LSS: variants seen among roughly 807,000 people sequenced by gnomAD.
LSS encodes the protein 2,3-epoxysqualene-lanosterol cyclase.
In LSS, 90 loss-of-function variants were observed where a neutral mutation model predicts 110.3. That is an observed-to-expected ratio of 0.82 (90% CI 0.69 to 0.97). The LOEUF is 0.97. Ranked by LOEUF, LSS falls within the 50% of genes least tolerant of loss-of-function variation. LSS has a pLI of 0.00. For missense variants in LSS, 927 were observed against 990.0 expected, an observed-to-expected ratio of 0.94 and a Z score of 0.85; for synonymous variants, 433 against 400.0, an observed-to-expected ratio of 1.08 and a Z score of -0.98.
Position 46,194,665 on chromosome 21 carries a change from C to T in LSS, c.1818-4G>A. 6.2e-7 allele frequency: 1 copy of T among 1,610,806 alleles called. No individual in the cohort carries two copies. Among genetic ancestry groups the T allele is most frequent in the East Asian group, 2.2e-5 (1 of 44,864 alleles). ...GGAGACCTCTGCACAGGCAGTCCTG[C>T]AAAGACCAGAGACAGGAGACACCAT... On this transcript the variant is annotated splice_polypyrimidine_tract_variant and splice_region_variant and intron_variant, in intron 19 of 21. Transcript: ENST00000397728.
chr21:46,208,433 C>A lies in LSS; in HGVS notation c.1267-132G>T, dbSNP rs978832601. 2.0e-5 allele frequency: 16 copies of A among 795,706 alleles called. No homozygotes were observed. The East Asian group carries it at 4.0e-4, about 20-fold the overall frequency. The allele number at this position is 795,706 out of a possible 1,614,324, so 49.3% of individuals were successfully genotyped here. A position where few individuals can be genotyped will look rare whatever the true frequency, so the allele number is the denominator to read the frequency against. ...GTGCCTGGGAGCTTACTCTGCCGGCCACAGCCACCACTGGTGCTGCGAGGC... is the reference window on the plus strand; with the variant it reads ...GTGCCTGGGAGCTTACTCTGCCGGCAACAGCCACCACTGGTGCTGCGAGGC... On this transcript the variant is annotated intron_variant, in intron 13 of 21. Coordinates refer to ENST00000397728, the MANE Select transcript of LSS (RefSeq NM_002340.6).
chr21:46,219,339 C>T (rs542553903), intron 6 of LSS, 137 bp downstream of exon 6: 1 of 547,900 alleles, frequency 1.8e-6, no homozygotes, highest in South Asian at 2.8e-5. Flanking sequence ...GGGCCTCTGC[C>T]AGGAGCCTAA....
At position 46,195,831 on chromosome 21, in the gene LSS, A is replaced by G. The variant is rs2079902498; in HGVS notation, c.1737-75T>C. On this transcript the variant is annotated intron_variant, in intron 18 of 21. Coordinates refer to ENST00000397728, the MANE Select transcript of LSS (RefSeq NM_002340.6). ...GTGTGTGAAACAACACGCATTCTGC[A>G]ACAATCACACGTGCCCCAGCCAGCC... 4.8e-6 allele frequency: 6 copies of G among 1,253,106 alleles called. No individual in the cohort carries two copies. The East Asian group carries it at 1.4e-4, about 29-fold the overall frequency. 77.6% of individuals were successfully genotyped at this position (1,253,106 alleles called of 1,614,324 possible). A position where few individuals can be genotyped will look rare whatever the true frequency, so the allele number is the denominator to read the frequency against.
intron 9 of LSS, among the ~76,000 whole-genome samples, chr21:46,214,138 A>G (rs1484773816): frequency 6.6e-6 from 1 of 152,224 alleles, no homozygotes; most frequent in East Asian, 1.9e-4. Context: ...CCAGAGGGGC[A>G]TGGGCTACCA....
Position 46,209,647 on chromosome 21 carries a change from A to G in LSS, c.1195-22T>C. ...CCGCCTGGAAGAGACAGCAGGACAGAGAGGCTCAGCTGCCCTTGCACGGCC... is the reference window on the plus strand; with the variant it reads ...CCGCCTGGAAGAGACAGCAGGACAGGGAGGCTCAGCTGCCCTTGCACGGCC... On this transcript the variant is annotated intron_variant, in intron 12 of 21. Transcript: ENST00000397728. This position sits in a 1 kb window ranked among gnomAD's most constrained non-coding sequence, Gnocchi z 4.4. 6.2e-7 allele frequency: 1 copy of G among 1,602,460 alleles called. No homozygotes were observed. Among genetic ancestry groups the G allele is most frequent in the African/African-American group, 1.3e-5 (1 of 74,946 alleles).
chr21:46,206,187 A>AGG (rs2080046501), intron 16 of LSS, among the ~76,000 whole-genome samples: 1 of 152,232 alleles, frequency 6.6e-6, no homozygotes. Context: ...TGTGATGTGG[A>AGG]GGGGACCAGG....
At chr21:46,200,172 G>T (rs1249453452) in intron 17 of LSS, among the ~76,000 whole-genome samples, 2 of 152,158 alleles carry the variant, frequency 1.3e-5, no homozygotes, top group African/African-American at 4.8e-5. Context: ...AATTGCGTAA[G>T]AATCTATGCG....
chr21:46,205,467 G>A (rs548001963), intron 17 of LSS, among the ~76,000 whole-genome samples: 4 of 152,330 alleles, frequency 2.6e-5, no homozygotes, highest in Admixed American at 1.3e-4. Context: ...GGCACTGTTC[G>A]CTTCCTGTTT....
rs1405785570 is a variant in LSS at position 46,219,685 on chromosome 21, G to A, written c.551-113C>T. On this transcript the variant is annotated intron_variant, in intron 5 of 21. Coordinates refer to ENST00000397728, the MANE Select transcript of LSS (RefSeq NM_002340.6). ...AGTCACGTGTGCCCCTCTCCATGAG[G>A]CAAGGGCAGCCTCATGTGGATCTTG... is the stretch of plus-strand genomic sequence containing the variant. 6.8e-5 allele frequency: 40 copies of A among 588,882 alleles called. No homozygotes were observed. In the Middle Eastern group the frequency reaches 8.6e-4, roughly 13 times the overall value. The allele number at this position is 588,882 out of a possible 1,614,324, so 36.5% of individuals were successfully genotyped here.
chr21:46,228,395 G>C, intron 2 of LSS, 39 bp downstream of exon 2: 1 of 1,595,736 alleles, frequency 6.3e-7, no homozygotes, highest in Non-Finnish European at 8.5e-7. Flanking sequence ...TCACCCCTCA[G>C]GGTCCCGAGC....
chr21:46,196,451 A>C, intron 17 of LSS, 184 bp from the exon 18 acceptor site: 1 of 595,548 alleles, frequency 1.7e-6, no homozygotes, highest in South Asian at 2.0e-5. Flanking sequence ...CCAGAGCGGG[A>C]AGCGGATTGG....
chr21:46,195,884 G>A (rs1300049956), intron 18 of LSS, 128 bp from the exon 19 acceptor site: 14 of 736,276 alleles, frequency 1.9e-5, no homozygotes, highest in South Asian at 1.6e-5. Context: ...CAGGCATTAA[G>A]GCCGTGGAAG....
At chr21:46,198,811 C>CA (rs2079942924) in intron 17 of LSS, among the ~76,000 whole-genome samples, 1 of 94,680 alleles carries the variant, frequency 1.1e-5, no homozygotes, top group Non-Finnish European at 1.9e-5. Flanking sequence ...GGTACCAAAA[C>CA]AACTGGACAT....
chr21:46,194,327 C>G (rs906352723), intron 20 of LSS, among the ~76,000 whole-genome samples, 164 bp downstream of exon 20: 1 of 152,210 alleles, frequency 6.6e-6, no homozygotes, highest in Admixed American at 6.5e-5. Context: ...GCCCCAGGAA[C>G]CAGGCATGTG....
intron 15 of LSS, 62 bp downstream of exon 15, chr21:46,207,366 G>A (rs997538348): frequency 6.3e-7 from 1 of 1,581,654 alleles, no homozygotes. Context: ...GAGTGGAAGT[G>A]AGCACGCAGC....
intron 15 of LSS, 51 bp downstream of exon 15, chr21:46,207,377 T>C: frequency 2.5e-6 from 4 of 1,598,910 alleles, no homozygotes; most frequent in Non-Finnish European, 3.4e-6. Context: ...AGCACGCAGC[T>C]CATCTGCAGG....
At chr21:46,220,645 G>C (rs767372527) in intron 5 of LSS, among the ~76,000 whole-genome samples, 1 of 152,250 alleles carries the variant, frequency 6.6e-6, no homozygotes, top group African/African-American at 2.4e-5. Context: ...AGGCTCTGCA[G>C]AGCCACAACA....
chr21:46,208,322 A>G (rs2080081080), intron 13 of LSS, 21 bp from the exon 14 acceptor site: 1 of 1,550,650 alleles, frequency 6.4e-7, no homozygotes, highest in South Asian at 1.2e-5. Context: ...TCGAGGGCAA[A>G]TGTGGAAGCA....
In LSS at chr21:46,216,276, C is replaced by G; in HGVS notation, c.783+113G>C. On this transcript the variant is annotated intron_variant, in intron 7 of 21. Coordinates refer to ENST00000397728, the MANE Select transcript of LSS (RefSeq NM_002340.6). The surrounding 1 kb of genome is among the most constrained non-coding windows in gnomAD (Gnocchi z 4.2). Reference sequence around the variant, plus strand: ...TGGAGGCTCTGCTCCACAGGGCTCTCCGCTCCACAGGGCCACCAGGTGAGT... The same window carrying G: ...TGGAGGCTCTGCTCCACAGGGCTCTGCGCTCCACAGGGCCACCAGGTGAGT... 2.9e-6 allele frequency: 4 copies of G among 1,379,564 alleles called. No homozygotes were observed. Among genetic ancestry groups the G allele is most frequent in the Non-Finnish European group, 4.1e-6 (4 of 984,386 alleles). The allele number at this position is 1,379,564 out of a possible 1,614,324, so 85.5% of individuals were successfully genotyped here. A position where few individuals can be genotyped will look rare whatever the true frequency, so the allele number is the denominator to read the frequency against.
Sources: gnomAD v4.1 joint callset for allele counts (sites outside exome capture counted in the v4.1 genomes callset) on GRCh38, gnomAD v4.1.1 for gene constraint, Gnocchi (gnomAD v3.1) non-coding constraint, MANE v1.5 for transcripts, NCBI Gene and HGNC (gene_info 2026-07-23, HGNC 2026-07-21) for gene names.